ADAM10: variants seen among roughly 807,000 people sequenced by gnomAD.
ADAM10 encodes ADAM metallopeptidase domain 10.
Under a neutral mutation model 90.1 loss-of-function variants are expected in ADAM10, and 17 were observed. That is an observed-to-expected ratio of 0.19 (90% confidence interval 0.13 to 0.28). The LOEUF is 0.28. ADAM10 is among the 10% of genes least tolerant of loss of function. ADAM10 has a pLI of 1.00. For synonymous variants in ADAM10, 310 were observed against 298.6 expected, an observed-to-expected ratio of 1.04 and a Z score of -0.40; for missense variants, 610 against 914.3, an observed-to-expected ratio of 0.67 and a Z score of 4.29.
At chr15:58,683,194 A>G (rs1271989744) in intron 2 of ADAM10, among the ~76,000 whole-genome samples, 2 of 152,216 alleles carry the variant, frequency 1.3e-5, no homozygotes, top group Admixed American at 1.3e-4. Context: ...AACTCTGTTA[A>G]AAGTATATCA....
intron 1 of ADAM10, among the ~76,000 whole-genome samples, chr15:58,721,351 T>C (rs1301321321): frequency 6.6e-6 from 1 of 152,244 alleles, no homozygotes; most frequent in African/African-American, 2.4e-5. Context: ...GTCCATCTCA[T>C]TATCATCTTC....
chr15:58,630,343 G>A (rs771042656), intron 9 of ADAM10, among the ~76,000 whole-genome samples: 9 of 152,088 alleles, frequency 5.9e-5, no homozygotes, highest in Non-Finnish European at 1.0e-4. Context: ...ACTTCCTAGC[G>A]GAGGAAAGTT....
rs747342967 is a variant in ADAM10 at position 58,595,490 on chromosome 15, C to A, written c.*2057G>T. ...TTTTTGCAATTTTTAGTAAAAATTT[C>A]CAAAGTGAACAAAAAAAGATACTGT... On this transcript the variant is annotated 3_prime_UTR_variant, in exon 16 of 16. Transcript: ENST00000260408. The A allele has an allele frequency of 2.8e-4, 42 of 151,936 alleles. No individual in the cohort carries two copies. Among genetic ancestry groups the A allele is most frequent in the African/African-American group, 9.2e-4 (38 of 41,354 alleles). 9.4% of individuals were successfully genotyped at this position (151,936 alleles called of 1,614,324 possible). A position where few individuals can be genotyped will look rare whatever the true frequency, so the allele number is the denominator to read the frequency against.
chr15:58,658,099 A>G (rs1228114238), intron 5 of ADAM10, among the ~76,000 whole-genome samples: 1 of 152,126 alleles, frequency 6.6e-6, no homozygotes, highest in Non-Finnish European at 1.5e-5. Context: ...AATTGTTATC[A>G]CAAGTCACAA....
chr15:58,611,965 G>T lies in ADAM10; in HGVS notation c.1538C>A (p.Ala513Glu), dbSNP rs1258613981. ...CSPSQGPCCTAQCAFKSKSEK... is the reference protein window; with the variant it reads ...CSPSQGPCCTEQCAFKSKSEK... ...AGACTTTGACTTGAATGCACACTGT[G>T]CTGTACAACAAGGACCTTGACTTGG... The change falls in exon 12 of 16, where the codon GCA becomes GAA. Residue 513 changes from alanine to glutamate, a missense_variant. Around this residue, in one of 4 missense-constraint regions of ADAM10, gnomAD observed 53 missense variants for 62.0 expected, o/e 0.85. Transcript: ENST00000260408. 6.2e-7 allele frequency: 1 copy of T among 1,613,990 alleles called. No homozygotes were observed. The highest frequency in any genetic ancestry group is 1.3e-5 in the African/African-American group (1 of 74,886).
chr15:58,748,984 C>A, intron 1 of ADAM10: 1 of 399,262 alleles, frequency 2.5e-6, no homozygotes, highest in Non-Finnish European at 4.4e-6. Context: ...CACGAGTCTG[C>A]GCGGCGGGTC....
chr15:58,599,679 G>T lies in ADAM10; in HGVS notation c.2071C>A (p.Leu691Ile). ...VLLMGIALIM[L>I]MAGFIKICSV... is the part of the protein sequence containing the mutation. ...CATATCTTAATAAATCCAGCCATTA[G>T]CATGATCAGAGCAATTCCCATAAGT... The change falls in exon 15 of 16, where the codon CTA becomes ATA. Residue 691 changes from leucine to isoleucine, a missense_variant. Physicochemically the swap from Leu to Ile is conservative, Grantham distance 5. Around this residue, in one of 4 missense-constraint regions of ADAM10, gnomAD observed 150 missense variants for 268.5 expected, o/e 0.56. Transcript: ENST00000260408. The T allele has an allele frequency of 6.2e-7, 1 of 1,613,110 alleles. No individual in the cohort carries two copies. Among genetic ancestry groups the T allele is most frequent in the Non-Finnish European group, 8.5e-7 (1 of 1,179,662 alleles).
chr15:58,606,280 C>T (rs1379705897), intron 14 of ADAM10, among the ~76,000 whole-genome samples: 5 of 152,162 alleles, frequency 3.3e-5, no homozygotes, highest in African/African-American at 1.2e-4. Flanking sequence ...TTCAAACTCC[C>T]ACCACCACTA....
At chr15:58,712,897 A>G (rs193102718) in intron 2 of ADAM10, among the ~76,000 whole-genome samples, 147 of 152,292 alleles carry the variant, frequency 9.7e-4, no homozygotes, top group African/African-American at 3.3e-3. Flanking sequence ...ATTACAAGAC[A>G]GTCCCTGATA....
chr15:58,722,203 G>C (rs1213807570), intron 1 of ADAM10, among the ~76,000 whole-genome samples: 1 of 151,224 alleles, frequency 6.6e-6, no homozygotes, highest in East Asian at 2.0e-4. Flanking sequence ...TTAGCCTGGC[G>C]TGATGGCATG....
intron 14 of ADAM10, among the ~76,000 whole-genome samples, chr15:58,605,900 T>C (rs1235667751): frequency 6.6e-6 from 1 of 152,074 alleles, no homozygotes; most frequent in Non-Finnish European, 1.5e-5. Flanking sequence ...AATTTGATAA[T>C]CTAAATATAA....
In ADAM10 at chr15:58,591,541, G is replaced by A. The variant is rs1159496759; in HGVS notation, c.*6006C>T. 1.3e-5 allele frequency: 2 copies of A among 152,024 alleles called. No homozygotes were observed. Among genetic ancestry groups the A allele is most frequent in the Non-Finnish European group, 2.9e-5 (2 of 68,006 alleles). The allele number at this position is 152,024 out of a possible 1,614,324, so 9.4% of individuals were successfully genotyped here. On this transcript the variant is annotated 3_prime_UTR_variant, in exon 16 of 16. Coordinates refer to ENST00000260408, the MANE Select transcript of ADAM10 (RefSeq NM_001110.4). ...GCCTCCCAAAGTGTTGGGATTACAG[G>A]TATGAGCCATCACAACTGGCCACAT...
At position 58,665,177 on chromosome 15, in the gene ADAM10, G is replaced by T; in HGVS notation, c.505C>A (p.Pro169Thr). 1 of 1,612,316 alleles carries T rather than the reference G, an allele frequency of 6.2e-7. No individual in the cohort carries two copies. Among genetic ancestry groups the T allele is most frequent in the South Asian group, 1.1e-5 (1 of 91,044 alleles). Residue 169 changes from proline (P) to threonine (T), a missense_variant, in exon 5 of 16, where the codon CCT (proline) becomes ACT (threonine). Pro to Thr is a conservative substitution (Grantham distance 38, BLOSUM62 -1). Transcript: ENST00000260408. ...GAATGATCTGCACAGCCCCCCTGAG[G>T]ACCGTATTTATGGGGATAGTCTAAA... ...DDINYPHKYGPQGGCADHSVF... is the reference protein window; with the variant it reads ...DDINYPHKYGTQGGCADHSVF...
intron 2 of ADAM10, among the ~76,000 whole-genome samples, chr15:58,694,128 T>C (rs1488484199): frequency 2.0e-5 from 3 of 152,234 alleles, no homozygotes; most frequent in African/African-American, 4.8e-5. Context: ...TTTGGAAAAC[T>C]GTTTAGCACT....
In ADAM10 at chr15:58,711,514, T is replaced by C. The variant is rs113016350; in HGVS notation, c.206+6063A>G. ...GTCTGAATTAACCACACTACTCCTT[T>C]CTCCATCCAGTTTATGACTACTCCA... On this transcript the variant is annotated intron_variant, in intron 2 of 15. Coordinates refer to ENST00000260408, the MANE Select transcript of ADAM10 (RefSeq NM_001110.4). Among the ~76,000 whole-genome samples, 539 of 152,226 alleles carry C rather than the reference T, an allele frequency of 3.5e-3. 5 individuals carry two copies. Among genetic ancestry groups the C allele is most frequent in the African/African-American group, 0.012 (518 of 41,554 alleles).
chr15:58,749,471 G>T lies in ADAM10; in HGVS notation c.55+9C>A, dbSNP rs766206352. 4 of 1,541,192 alleles carry T rather than the reference G, an allele frequency of 2.6e-6. No homozygotes were observed. Among genetic ancestry groups the T allele is most frequent in the Non-Finnish European group, 2.6e-6 (3 of 1,142,476 alleles). ...CGCGGCGCCCCCGGCGCTCGCAGTC[G>T]TGCCTCACCTCCCATCCCCGCCGCC... is the stretch of plus-strand genomic sequence containing the variant. On this transcript the variant is annotated intron_variant, in intron 1 of 15. Coordinates refer to ENST00000260408, the MANE Select transcript of ADAM10 (RefSeq NM_001110.4).
At chr15:58,723,963 G>A (rs1898946321) in intron 1 of ADAM10, among the ~76,000 whole-genome samples, 1 of 152,050 alleles carries the variant, frequency 6.6e-6, no homozygotes, top group African/African-American at 2.4e-5. Context: ...AGACGTGATG[G>A]CTCACACCTG....
chr15:58,729,254 T>C (rs1244234293), intron 1 of ADAM10, among the ~76,000 whole-genome samples: 3 of 152,244 alleles, frequency 2.0e-5, no homozygotes. Flanking sequence ...TGTGTTCAAC[T>C]AACAAGTTCT....
intron 10 of ADAM10, among the ~76,000 whole-genome samples, chr15:58,626,184 A>G (rs1430875715): frequency 6.6e-6 from 1 of 152,156 alleles, no homozygotes; most frequent in African/African-American, 2.4e-5. Context: ...AATAGTATCT[A>G]TGGATTTTCT....
Sources: allele counts gnomAD v4.1 joint callset (sites outside exome capture counted in the v4.1 genomes callset), GRCh38; gene constraint gnomAD v4.1.1; regional missense constraint gnomAD v4.1.1; transcripts MANE v1.5; gene names NCBI Gene and HGNC (gene_info 2026-07-23, HGNC 2026-07-21).